ITGBL1: variants seen among roughly 807,000 people sequenced by gnomAD.
ITGBL1 encodes integrin beta-like protein 1.
In ITGBL1, 51 loss-of-function variants were observed where a neutral mutation model predicts 68.5. The observed-to-expected ratio is 0.74, with a 90% CI of 0.59 to 0.94. ITGBL1 has a LOEUF of 0.94. Among genes scored for constraint, ITGBL1 ranks in the 40% least tolerant of loss-of-function variants. The pLI, the probability that ITGBL1 is intolerant of heterozygous loss-of-function variation, is 0.00. For synonymous variants in ITGBL1, 209 were observed against 227.3 expected (o/e 0.92, Z 0.72); for missense variants, 649 against 647.4 (o/e 1.00, Z -0.03).
chr13:101,560,872 T>G (rs1183181687), intron 2 of ITGBL1, among the ~76,000 whole-genome samples: 1 of 152,212 alleles, frequency 6.6e-6, no homozygotes, highest in Admixed American at 6.5e-5. Context: ...TCTTTACCCT[T>G]GATGAACTTA....
chr13:101,705,292 C>CAAAAAAAAAAAAAAAAAAAACAAA (rs66461824), intron 8 of ITGBL1, among the ~76,000 whole-genome samples: 1 of 105,018 alleles, frequency 9.5e-6, no homozygotes, highest in East Asian at 2.9e-4. Flanking sequence ...ATTTAAAAAG[C>CAAAAAAAAAAAAAAAAAAAACAAA]AAAAAAAAAA....
intron 4 of ITGBL1, among the ~76,000 whole-genome samples, chr13:101,577,636 A>G (rs2050385318): frequency 6.6e-6 from 1 of 152,202 alleles, no homozygotes; most frequent in Non-Finnish European, 1.5e-5. Context: ...CACCTTCTGT[A>G]TAAATTTTCT....
intron 6 of ITGBL1, among the ~76,000 whole-genome samples, chr13:101,585,607 A>G (rs1015096509): frequency 2.0e-5 from 3 of 151,654 alleles, no homozygotes; most frequent in Non-Finnish European, 4.4e-5. Flanking sequence ...ATTTTTTTGT[A>G]TTTTTAGTAG....
At chr13:101,466,148 T>C (rs544486847) in intron 2 of ITGBL1, among the ~76,000 whole-genome samples, 1 of 152,306 alleles carries the variant, frequency 6.6e-6, no homozygotes, top group African/African-American at 2.4e-5. Context: ...TGTTTTTACT[T>C]AATTTTCTGC....
At chr13:101,549,651 A>G (rs1029017174) in intron 2 of ITGBL1, among the ~76,000 whole-genome samples, 1 of 152,092 alleles carries the variant, frequency 6.6e-6, no homozygotes, top group Non-Finnish European at 1.5e-5. Flanking sequence ...GATTTTTTAT[A>G]TAACAAAAAC....
In ITGBL1 at chr13:101,587,599, G is replaced by A. The variant is rs75101328; in HGVS notation, c.868+4243G>A. ...CCAAATCCCATAATTGGAAAAATAC[G>A]CTGCAATGTGACCTTAAACTTTATC... is the stretch of plus-strand genomic sequence containing the variant. On this transcript the variant is annotated intron_variant, in intron 6 of 10. Coordinates refer to ENST00000376180, the MANE Select transcript of ITGBL1 (RefSeq NM_004791.3). Among the ~76,000 whole-genome samples the A allele has an allele frequency of 9.0e-3, 1,374 of 152,196 alleles. 21 individuals are homozygous for A. Among genetic ancestry groups the A allele is most frequent in the African/African-American group, 0.031 (1,297 of 41,526 alleles).
intron 7 of ITGBL1, among the ~76,000 whole-genome samples, chr13:101,674,507 T>C (rs575439688): frequency 8.5e-5 from 13 of 152,292 alleles, no homozygotes; most frequent in South Asian, 2.1e-4. Flanking sequence ...ATAAATTTAG[T>C]TTAGATTACC....
chr13:101,548,336 G>A (rs948750869), intron 2 of ITGBL1, among the ~76,000 whole-genome samples: 1 of 151,828 alleles, frequency 6.6e-6, no homozygotes, highest in Admixed American at 6.6e-5. Context: ...AAGAGGGAAG[G>A]CTGGCTTAAT....
chr13:101,705,885 T>C (rs1343477699), intron 8 of ITGBL1, among the ~76,000 whole-genome samples: 1 of 152,136 alleles, frequency 6.6e-6, no homozygotes, highest in East Asian at 1.9e-4. Context: ...CATAGCAAAA[T>C]GCTCTGTTGA....
intron 7 of ITGBL1, among the ~76,000 whole-genome samples, chr13:101,607,176 A>C (rs1436270): frequency 3.3e-5 from 5 of 151,908 alleles, no homozygotes; most frequent in South Asian, 2.1e-4. Flanking sequence ...ATACATTTTT[A>C]AAAATTTCCT....
At chr13:101,502,590 C>G (rs958663152) in intron 2 of ITGBL1, among the ~76,000 whole-genome samples, 5 of 152,146 alleles carry the variant, frequency 3.3e-5, no homozygotes, top group Non-Finnish European at 7.4e-5. Context: ...TATGGTTGCT[C>G]TGTTTACTTG....
chr13:101,552,231 A>G (rs187937281), intron 2 of ITGBL1, among the ~76,000 whole-genome samples: 17 of 152,292 alleles, frequency 1.1e-4, no homozygotes, highest in Non-Finnish European at 1.9e-4. Flanking sequence ...AAGAAAGGAG[A>G]TGGGGCATCA....
intron 8 of ITGBL1, among the ~76,000 whole-genome samples, chr13:101,705,714 G>C (rs9805314): frequency 0.14 from 21,375 of 152,156 alleles, 1,884 homozygotes; most frequent in East Asian, 0.42. Flanking sequence ...AGCAGATGGA[G>C]CAAGGTTCAC....
intron 2 of ITGBL1, among the ~76,000 whole-genome samples, chr13:101,504,134 T>G (rs1289720610): frequency 2.0e-5 from 3 of 152,198 alleles, no homozygotes; most frequent in Admixed American, 6.6e-5. Context: ...TAAAAATAAT[T>G]ATTTTGCTTT....
At chr13:101,713,592 G>T (rs1252792135) in intron 9 of ITGBL1, 1 of 152,150 alleles carries the variant, frequency 6.6e-6, no homozygotes, top group African/African-American at 2.4e-5. Flanking sequence ...GTTTTTCCAT[G>T]TAAGGGTTTT....
intron 7 of ITGBL1, among the ~76,000 whole-genome samples, chr13:101,599,253 C>A (rs2030197390): frequency 6.6e-6 from 1 of 151,922 alleles, no homozygotes; most frequent in South Asian, 2.1e-4. Context: ...AGTGTCTGTT[C>A]ATATCCTTTG....
At chr13:101,651,510 TG>T (rs2032748918) in intron 7 of ITGBL1, among the ~76,000 whole-genome samples, 1 of 152,208 alleles carries the variant, frequency 6.6e-6, no homozygotes. Context: ...CACTTTTTAA[TG>T]GGGTTGTTTG....
At chr13:101,636,279 A>G (rs1373031728) in intron 7 of ITGBL1, among the ~76,000 whole-genome samples, 1 of 152,130 alleles carries the variant, frequency 6.6e-6, no homozygotes, top group Non-Finnish European at 1.5e-5. Context: ...ACTACTTTCT[A>G]ATTGGCCAGT....
At chr13:101,712,017 CCT>C (rs1330913338) in intron 9 of ITGBL1, 1 of 152,232 alleles carries the variant, frequency 6.6e-6, no homozygotes, top group African/African-American at 2.4e-5. Context: ...GAACCCTCTC[CCT>C]GTGTGCTTCC....
Sources: gnomAD v4.1 joint callset for allele counts (sites outside exome capture counted in the v4.1 genomes callset) on GRCh38, gnomAD v4.1.1 for gene constraint, MANE v1.5 for transcripts, NCBI Gene and HGNC (gene_info 2026-07-23, HGNC 2026-07-21) for gene names.